STAB2: variants seen among roughly 807,000 people sequenced by gnomAD.
STAB2 encodes stabilin 2.
In STAB2, 288 loss-of-function variants were observed where a neutral mutation model predicts 338.1. That is an observed-to-expected ratio of 0.85 (90% confidence interval 0.77 to 0.94). The LOEUF (loss-of-function observed/expected upper bound fraction) is 0.94. Ranked by LOEUF, STAB2 falls within the 40% of genes least tolerant of loss-of-function variation. The pLI is 0.00. For missense variants in STAB2, 3,141 were observed against 3,210.1 expected, an observed-to-expected ratio of 0.98 and a Z score of 0.52; for synonymous variants, 1,202 against 1,193.3, an observed-to-expected ratio of 1.01 and a Z score of -0.15.
At chr12:103,755,923 C>T (rs1287957502) in intron 63 of STAB2, among the ~76,000 whole-genome samples, 1 of 152,148 alleles carries the variant, frequency 6.6e-6, no homozygotes, top group Non-Finnish European at 1.5e-5. Context: ...ACTCAATTTC[C>T]TCATCTATAA....
At chr12:103,669,216 C>A (rs937537679) in intron 20 of STAB2, 2 of 316,614 alleles carry the variant, frequency 6.3e-6, no homozygotes, top group African/African-American at 4.3e-5. Flanking sequence ...ACTCACCGTT[C>A]TCTGAAATGA....
Position 103,631,662 on chromosome 12 carries a change from C to T in STAB2, c.552C>T (p.Tyr184=). ...GLDGDGTCEC[Y]SAYTGPKCDK... ...ATGGCGATGGAACCTGTGAGTGCTA[C>T]TCTGCGTACACTGGCCCCAAGTGTG... The change falls in exon 6 of 69, where the codon TAC becomes TAT. Residue 184 remains tyrosine (Y), a synonymous_variant. Coordinates refer to ENST00000388887, the MANE Select transcript of STAB2 (RefSeq NM_017564.10). The T allele has an allele frequency of 6.2e-7, 1 of 1,614,196 alleles. No homozygotes were observed. The highest frequency in any genetic ancestry group is 8.5e-7 in the Non-Finnish European group (1 of 1,180,024).
intron 57 of STAB2, 93 bp from the exon 58 acceptor site, chr12:103,746,504 G>A: frequency 8.6e-7 from 1 of 1,163,408 alleles, no homozygotes; most frequent in East Asian, 2.4e-5. Flanking sequence ...TGAACACAGT[G>A]GTCGTCCAGA....
chr12:103,695,730 A>G lies in STAB2; in HGVS notation c.3475-7A>G, dbSNP rs1254932903. Reference sequence around the variant, plus strand: ...CCCTCATGCACTCTTGTCTCTTTCCATCGCAGCAATATAATCTGGCGAATG... The same window carrying G: ...CCCTCATGCACTCTTGTCTCTTTCCGTCGCAGCAATATAATCTGGCGAATG... On this transcript the variant is annotated splice_region_variant and splice_polypyrimidine_tract_variant and intron_variant, in intron 32 of 68. Coordinates refer to ENST00000388887, the MANE Select transcript of STAB2 (RefSeq NM_017564.10). The G allele has an allele frequency of 1.2e-6, 2 of 1,614,054 alleles. No individual in the cohort carries two copies. The highest frequency in any genetic ancestry group is 1.7e-6 in the Non-Finnish European group (2 of 1,180,026).
intron 66 of STAB2, 108 bp from the exon 67 acceptor site, chr12:103,762,166 C>A: frequency 6.9e-7 from 1 of 1,452,870 alleles, no homozygotes; most frequent in Admixed American, 2.1e-5. Context: ...GTTAACATGT[C>A]AGTATTTTTA....
intron 27 of STAB2, among the ~76,000 whole-genome samples, chr12:103,686,844 C>T (rs536367413): frequency 1.3e-5 from 2 of 152,260 alleles, no homozygotes; most frequent in East Asian, 3.9e-4. Context: ...CGCCACCTCC[C>T]CAGCTCCAGG....
intron 1 of STAB2, among the ~76,000 whole-genome samples, 184 bp from the exon 2 acceptor site, chr12:103,590,713 C>T (rs1230818469): frequency 1.3e-5 from 2 of 152,068 alleles, no homozygotes; most frequent in Non-Finnish European, 2.9e-5. Flanking sequence ...GCTTATTAAT[C>T]TCAATACTCT....
At chr12:103,713,838 T>C (rs1486680343) in intron 42 of STAB2, 70 bp downstream of exon 42, 64 of 1,583,652 alleles carry the variant, frequency 4.0e-5, no homozygotes, top group Non-Finnish European at 5.0e-5. Context: ...GATTCCAACG[T>C]GTGTGCCCTG....
At chr12:103,651,781 A>G (rs2138731677) in intron 11 of STAB2, among the ~76,000 whole-genome samples, 1 of 152,362 alleles carries the variant, frequency 6.6e-6, no homozygotes, top group African/African-American at 2.4e-5. Flanking sequence ...AAAAATGAAA[A>G]AATAAAATTG....
At chr12:103,594,761 C>A (rs936106664) in intron 3 of STAB2, among the ~76,000 whole-genome samples, 5 of 152,108 alleles carry the variant, frequency 3.3e-5, no homozygotes, top group African/African-American at 1.2e-4. Flanking sequence ...TGAAAGGATA[C>A]CCATTTTTAT....
intron 11 of STAB2, 146 bp from the exon 12 acceptor site, chr12:103,652,410 G>T: frequency 1.6e-6 from 1 of 611,156 alleles, no homozygotes; most frequent in East Asian, 3.1e-5. Context: ...AATTGTCAGT[G>T]CTTTCATGCA....
rs201522894 is a variant in STAB2 at position 103,759,122 on chromosome 12, T to C, written c.7108-11T>C. On this transcript the variant is annotated splice_polypyrimidine_tract_variant and intron_variant, in intron 64 of 68. Coordinates refer to ENST00000388887, the MANE Select transcript of STAB2 (RefSeq NM_017564.10). ...TTTGAAGAGCATTCTGTGTTTCTCC[T>C]TTTTTCTCAGACCTTGTCTGGGCGG... The C allele has an allele frequency of 1.7e-4, 279 of 1,614,068 alleles. 3 individuals carry two copies. In the Middle Eastern group the frequency reaches 3.1e-3, roughly 18 times the overall value.
Position 103,668,675 on chromosome 12 carries a change from C to A in STAB2, c.2118C>A (p.Gly706=). The part of the protein sequence containing the change: ...ALFTHRCVYS[G]RFGSLKSGCA... ...TCACACACAGATGTGTCTACAGTGG[C>A]AGGTTTGGGAGCCTGAAGAGCGGCT... The change falls in exon 20 of 69, where the codon GGC becomes GGA. Residue 706 remains glycine, a synonymous_variant. Coordinates refer to ENST00000388887, the MANE Select transcript of STAB2 (RefSeq NM_017564.10). 6.4e-7 allele frequency: 1 copy of A among 1,551,386 alleles called. No individual in the cohort carries two copies. The highest frequency in any genetic ancestry group is 8.7e-7 in the Non-Finnish European group (1 of 1,146,962).
At chr12:103,667,742 A>T (rs549234992) in intron 19 of STAB2, among the ~76,000 whole-genome samples, 5 of 152,330 alleles carry the variant, frequency 3.3e-5, no homozygotes, top group African/African-American at 1.2e-4. Flanking sequence ...GGAAAGTCTC[A>T]TTGCCCTCTT....
At chr12:103,691,093 G>C (rs1374276212) in intron 30 of STAB2, among the ~76,000 whole-genome samples, 1 of 152,234 alleles carries the variant, frequency 6.6e-6, no homozygotes, top group African/African-American at 2.4e-5. Flanking sequence ...CCCAGCCCTA[G>C]AGAAGCTTAT....
At position 103,636,161 on chromosome 12, in the gene STAB2, AG is replaced by A. The variant is rs775014022; in HGVS notation, c.584-949del. 7.3e-5 allele frequency among the ~76,000 whole-genome samples: 11 copies of A among 151,484 alleles called. No homozygotes were observed. The East Asian group carries it at 7.8e-4, about 11-fold the overall frequency. ...TGCTGCACCCATTAACTCGTCATTT[AG>A]CATTAGGTGTATCTCCTAATGCTAT... is the stretch of plus-strand genomic sequence containing the variant. On this transcript the variant is annotated intron_variant, in intron 6 of 68. Transcript: ENST00000388887.
Position 103,726,102 on chromosome 12 carries a change from C to T in STAB2, c.4804-14C>T. The T allele has an allele frequency of 1.9e-6, 3 of 1,613,850 alleles. No homozygotes were observed. Among genetic ancestry groups the T allele is most frequent in the African/African-American group, 1.3e-5 (1 of 75,032 alleles). On this transcript the variant is annotated splice_polypyrimidine_tract_variant and intron_variant, in intron 45 of 68. Transcript: ENST00000388887. Reference sequence around the variant, plus strand: ...ATTTCACAGGCATTAAGTGAAACTACTCTTTGTTTGCAGGAGCTTCCCAAG... The same window carrying T: ...ATTTCACAGGCATTAAGTGAAACTATTCTTTGTTTGCAGGAGCTTCCCAAG...
Position 103,670,139 on chromosome 12 carries a change from G to A in STAB2, c.2259+512G>A, listed in dbSNP as rs1196031352. On this transcript the variant is annotated intron_variant, in intron 21 of 68. Coordinates refer to ENST00000388887, the MANE Select transcript of STAB2 (RefSeq NM_017564.10). ...TTTAATAAGCCCGCCTCTAAAACGT[G>A]GCTTTTTCAAGGGGAAAGTATCAGC... 2.6e-5 allele frequency among the ~76,000 whole-genome samples: 4 copies of A among 151,398 alleles called. 1 individual carries two copies. Among genetic ancestry groups the A allele is most frequent in the Non-Finnish European group, 5.9e-5 (4 of 67,742 alleles).
At chr12:103,620,356 A>C in intron 3 of STAB2, 112 bp from the exon 4 acceptor site, 1 of 978,774 alleles carries the variant, frequency 1.0e-6, no homozygotes, top group South Asian at 1.7e-5. Flanking sequence ...CAGGTTCTGC[A>C]ATTATTTCTT....
Sources: gnomAD v4.1 joint callset for allele counts (sites outside exome capture counted in the v4.1 genomes callset) on GRCh38, gnomAD v4.1.1 for gene constraint, MANE v1.5 for transcripts, NCBI Gene and HGNC (gene_info 2026-07-23, HGNC 2026-07-21) for gene names.